ACTR3C: variants seen among roughly 807,000 people sequenced by gnomAD.
ACTR3C encodes the protein actin related protein 3C, also known as actin-related protein 3C.
A neutral mutation model predicts 26.3 loss-of-function variants in ACTR3C; 18 were observed. The ratio of observed to expected loss-of-function variants is 0.68; its 90% confidence interval spans 0.47 to 1.01. ACTR3C has a LOEUF of 1.01. Among genes scored for constraint, ACTR3C ranks in the 50% least tolerant of loss-of-function variants. The pLI, the probability that ACTR3C is intolerant of heterozygous loss-of-function variation, is 0.00. For synonymous variants in ACTR3C, 55 were observed against 94.5 expected (o/e 0.58, Z 2.42); for missense variants, 184 against 250.7 (o/e 0.73, Z 1.80).
At chr7:150,259,406 C>T (rs2530975) in intron 6 of ACTR3C, among the ~76,000 whole-genome samples, 20 of 152,172 alleles carry the variant, frequency 1.3e-4, no homozygotes, top group South Asian at 6.2e-4. Flanking sequence ...AAATCAAAAA[C>T]GAATATCTGA....
the ACTR3C span, among the ~76,000 whole-genome samples, chr7:150,168,176 A>G: frequency 8.6e-5 from 13 of 150,666 alleles, no homozygotes; most frequent in East Asian, 2.5e-3. Flanking sequence ...AGGGCTGCAC[A>G]CCTCCTAGAG....
chr7:150,068,001 A>C, the ACTR3C span, among the ~76,000 whole-genome samples: 41 of 152,186 alleles, frequency 2.7e-4, no homozygotes, highest in Non-Finnish European at 5.6e-4. Flanking sequence ...TATATAAGAT[A>C]AAATATGTCA....
At chr7:150,089,477 A>C in the ACTR3C span, among the ~76,000 whole-genome samples, 1 of 152,236 alleles carries the variant, frequency 6.6e-6, no homozygotes, top group Non-Finnish European at 1.5e-5. Context: ...CTTCAGGAAC[A>C]GAGTTGGGTC....
the ACTR3C span, among the ~76,000 whole-genome samples, chr7:150,038,907 G>T: frequency 1.3e-4 from 15 of 116,870 alleles, 5 homozygotes; most frequent in Admixed American, 2.6e-4. Context: ...TGCGATGGGG[G>T]TACTAACAGC....
chr7:150,058,562 T>C, the ACTR3C span, among the ~76,000 whole-genome samples: 1 of 152,186 alleles, frequency 6.6e-6, no homozygotes, highest in African/African-American at 2.4e-5. Context: ...CCTCCTGTTT[T>C]CTGTCTTTGA....
the ACTR3C span, among the ~76,000 whole-genome samples, chr7:150,026,960 T>C: frequency 6.6e-6 from 1 of 152,076 alleles, no homozygotes; most frequent in Non-Finnish European, 1.5e-5. Context: ...AATGCATTTA[T>C]TTGTCTCACT....
chr7:149,984,147 C>T, the ACTR3C span, among the ~76,000 whole-genome samples: 23,227 of 151,456 alleles, frequency 0.15, 3,506 homozygotes, highest in African/African-American at 0.39. Flanking sequence ...AAGTTTGTAG[C>T]TATGTTTAGT....
chr7:150,140,029 C>T, the ACTR3C span, among the ~76,000 whole-genome samples: 6 of 149,440 alleles, frequency 4.0e-5, no homozygotes, highest in Admixed American at 2.0e-4. Flanking sequence ...CACACACGTA[C>T]ACACATACAC....
At chr7:150,323,175 CGCCTCGCT>C (rs933632431) in intron 1 of ACTR3C, 83 of 215,250 alleles carry the variant, frequency 3.9e-4, no homozygotes, top group African/African-American at 1.6e-3. Context: ...CCGGCCGCAC[CGCCTCGCT>C]GCCCACGCCT....
At chr7:150,186,151 A>G in the ACTR3C span, among the ~76,000 whole-genome samples, 1 of 152,200 alleles carries the variant, frequency 6.6e-6, no homozygotes, top group Non-Finnish European at 1.5e-5. Context: ...GGTGACGTGC[A>G]TAGATAATTC....
At chr7:150,230,067 A>G in the ACTR3C span, among the ~76,000 whole-genome samples, 10,560 of 149,994 alleles carry the variant, frequency 0.07, 555 homozygotes, top group East Asian at 0.14. Context: ...TCTACTAAAA[A>G]TACAAAAATA....
chr7:150,035,201 C>A, the ACTR3C span, among the ~76,000 whole-genome samples: 2 of 117,018 alleles, frequency 1.7e-5, no homozygotes, highest in South Asian at 2.7e-4. Context: ...CCCCGCCTCA[C>A]GGGGGGTGCC....
the ACTR3C span, among the ~76,000 whole-genome samples, chr7:150,081,174 G>C: frequency 6.6e-6 from 1 of 151,162 alleles, no homozygotes; most frequent in Admixed American, 6.6e-5. Flanking sequence ...GAAAGGGAGA[G>C]GGATAGAGAG....
intron 6 of ACTR3C, among the ~76,000 whole-genome samples, chr7:150,267,461 CCTGAGTCA>C (rs1246843251): frequency 1.5e-4 from 23 of 152,200 alleles, no homozygotes; most frequent in Non-Finnish European, 1.5e-5. Context: ...CGCCACCTGC[CCTGAGTCA>C]CTCAGTAGCC....
At chr7:150,043,049 A>C in the ACTR3C span, among the ~76,000 whole-genome samples, 1 of 151,756 alleles carries the variant, frequency 6.6e-6, no homozygotes, top group African/African-American at 2.4e-5. Context: ...CAGTCTACAA[A>C]ACCCCACAGC....
At chr7:150,227,688 G>GTGTTTTTTTTTTTTTTTTTTTTTTTT in the ACTR3C span, among the ~76,000 whole-genome samples, 14 of 111,384 alleles carry the variant, frequency 1.3e-4, 1 homozygote, top group South Asian at 2.9e-4. Flanking sequence ...TTGTGTCTGG[G>GTGTTTTTTTTTTTTTTTTTTTTTTTT]TTTTTTTTTT....
chr7:150,211,062 T>A, the ACTR3C span, among the ~76,000 whole-genome samples: 5,577 of 150,114 alleles, frequency 0.037, 142 homozygotes, highest in African/African-American at 0.065. Flanking sequence ...TCACTAAATA[T>A]GACAAACACC....
At chr7:150,136,395 C>T in the ACTR3C span, among the ~76,000 whole-genome samples, 1 of 152,176 alleles carries the variant, frequency 6.6e-6, no homozygotes, top group Non-Finnish European at 1.5e-5. Context: ...TCAGGCTGGG[C>T]ACAGTGGCTC....
chr7:150,280,714 T>C (rs1835245447), intron 6 of ACTR3C, among the ~76,000 whole-genome samples: 1 of 152,050 alleles, frequency 6.6e-6, no homozygotes, highest in Non-Finnish European at 1.5e-5. Context: ...ATTAGCTTGA[T>C]TGTGGTAAGC....
Sources: gnomAD v4.1 joint callset for allele counts (sites outside exome capture counted in the v4.1 genomes callset) on GRCh38, gnomAD v4.1.1 for gene constraint, MANE v1.5 for transcripts, NCBI Gene and HGNC (gene_info 2026-07-23, HGNC 2026-07-21) for gene names.